The following ALDH3A2 variants were observed in gnomAD, a reference collection of about 807,000 sequenced individuals.
The protein encoded by ALDH3A2 is aldehyde dehydrogenase 3 family member A2.
Under a neutral mutation model 51.3 loss-of-function variants are expected in ALDH3A2, and 36 were observed. The observed-to-expected ratio is 0.70, with a 90% CI of 0.54 to 0.93. The LOEUF (loss-of-function observed/expected upper bound fraction) is 0.93, where lower values mean the gene tolerates loss of function less well. Among genes scored for constraint, ALDH3A2 ranks in the 40% least tolerant of loss-of-function variants. The probability of loss-of-function intolerance (pLI) is 0.00; values close to 1 mark genes in which losing one functional copy is unlikely to be tolerated. For synonymous variants in ALDH3A2, 199 were observed against 219.8 expected (o/e 0.91, Z 0.84); for missense variants, 552 against 603.1 (o/e 0.92, Z 0.89).
At chr17:19,650,087 T>C (rs2084794576) in intron 1 of ALDH3A2, among the ~76,000 whole-genome samples, 1 of 151,838 alleles carries the variant, frequency 6.6e-6, no homozygotes, top group Non-Finnish European at 1.5e-5. Context: ...CATTTTTGTA[T>C]TTTTAGTAGA....
At chr17:19,661,536 C>T in intron 6 of ALDH3A2, 1 of 417,868 alleles carries the variant, frequency 2.4e-6, no homozygotes, top group Non-Finnish European at 4.3e-6. Context: ...TCCTGAGAAG[C>T]AGAATAGAAC....
chr17:19,658,911 C>G (rs1841685457), intron 5 of ALDH3A2, among the ~76,000 whole-genome samples: 3 of 151,890 alleles, frequency 2.0e-5, no homozygotes, highest in Admixed American at 2.0e-4. Flanking sequence ...ATCAAAAACA[C>G]CAAAGAGTAA....
chr17:19,649,996 C>T (rs2084792589), intron 1 of ALDH3A2: 2 of 152,906 alleles, frequency 1.3e-5, no homozygotes, highest in African/African-American at 4.8e-5. Context: ...ACTGCAACCT[C>T]CATCTCTTGG....
At chr17:19,673,573 C>T (rs1476895510) in intron 9 of ALDH3A2, among the ~76,000 whole-genome samples, 1 of 151,784 alleles carries the variant, frequency 6.6e-6, no homozygotes, top group African/African-American at 2.4e-5. Flanking sequence ...CAAACGTTAG[C>T]TGGGTGTGGT....
Position 19,671,650 on chromosome 17 carries a change from G to T in ALDH3A2, c.1208-71G>T, listed in dbSNP as rs538380569. On this transcript the variant is annotated intron_variant, in intron 8 of 9. Coordinates refer to ENST00000176643, the MANE Select transcript of ALDH3A2 (RefSeq NM_000382.3). ...GCAGGGAGTGCATGTGAGCTTTCCC[G>T]GTCGTTGTTAGACAGAAGTAGCTTG... 6 of 1,356,452 alleles carry T rather than the reference G, an allele frequency of 4.4e-6. No individual in the cohort carries two copies. The Admixed American group carries it at 5.0e-5, about 11-fold the overall frequency. 84.0% of individuals were successfully genotyped at this position (1,356,452 alleles called of 1,614,324 possible).
chr17:19,654,991 A>G lies in ALDH3A2; in HGVS notation c.472-1375A>G, dbSNP rs1478266639. Among the ~76,000 whole-genome samples, 1 of 152,176 alleles carries G rather than the reference A, an allele frequency of 6.6e-6. No individual in the cohort carries two copies. The highest frequency in any genetic ancestry group is 2.4e-5 in the African/African-American group (1 of 41,462). ...GGGCAGATCCTCACACTGACTTAAC[A>G]TGCTGGCATTTAAGAATATCAAGAA... On this transcript the variant is annotated intron_variant, in intron 3 of 9. Coordinates refer to ENST00000176643, the MANE Select transcript of ALDH3A2 (RefSeq NM_000382.3). The surrounding 1 kb of genome is among the most constrained non-coding windows in gnomAD (Gnocchi z 4.5).
chr17:19,652,133 A>G (rs1567597370), intron 2 of ALDH3A2, among the ~76,000 whole-genome samples: 1 of 152,216 alleles, frequency 6.6e-6, no homozygotes, highest in Non-Finnish European at 1.5e-5. Context: ...TCTTCATTCA[A>G]ATAAAGACTA....
rs1237266541 is a variant in ALDH3A2 at position 19,649,052 on chromosome 17, G to A, written c.81G>A (p.Leu27=). ...SRPLRFRLQQ[L]EALRRMVQER... Reference sequence around the variant, plus strand: ...CTCTGCGGTTTCGGCTGCAGCAGCTGGAGGCCCTGCGGAGGATGGTGCAGG... The same window carrying A: ...CTCTGCGGTTTCGGCTGCAGCAGCTAGAGGCCCTGCGGAGGATGGTGCAGG... The change falls in exon 1 of 10, where the codon CTG becomes CTA. Residue 27 remains leucine, a synonymous_variant. Coordinates refer to ENST00000176643, the MANE Select transcript of ALDH3A2 (RefSeq NM_000382.3). The A allele has an allele frequency of 6.3e-7, 1 of 1,584,102 alleles. No individual in the cohort carries two copies. The highest frequency in any genetic ancestry group is 8.6e-7 in the Non-Finnish European group (1 of 1,165,730).
At chr17:19,674,148 A>G (rs2085157751) in intron 9 of ALDH3A2, 2 of 152,220 alleles carry the variant, frequency 1.3e-5, no homozygotes, top group African/African-American at 4.8e-5. Flanking sequence ...GGTGTAGTAT[A>G]CAATTTAGGG....
intron 8 of ALDH3A2, 96 bp from the exon 9 acceptor site, chr17:19,671,625 G>A: frequency 1.9e-6 from 2 of 1,035,912 alleles, no homozygotes; most frequent in East Asian, 2.4e-5. Flanking sequence ...TTCCCAGGCA[G>A]CAGGGAGTGC....
rs1291817576 is a variant in ALDH3A2, at chr17:19,649,033, G to A, written c.62G>A (p.Arg21Gln). 2 of 1,583,122 alleles carry A rather than the reference G, an allele frequency of 1.3e-6. No homozygotes were observed. Among genetic ancestry groups the A allele is most frequent in the South Asian group, 1.2e-5 (1 of 86,758 alleles). ...CTGTCCGGCCGGTCGCGACCTCTGC[G>A]GTTTCGGCTGCAGCAGCTGGAGGCC... ...AFLSGRSRPL[R>Q]FRLQQLEALR... Residue 21 changes from arginine (R) to glutamine (Q), a missense_variant, in exon 1 of 10, where the codon CGG becomes CAG. Physicochemically the swap from Arg to Gln is conservative, Grantham distance 43. Transcript: ENST00000176643.
chr17:19,665,352 AAATT>A (rs752857200), intron 8 of ALDH3A2, among the ~76,000 whole-genome samples: 112 of 150,890 alleles, frequency 7.4e-4, no homozygotes, highest in Non-Finnish European at 9.7e-4. Context: ...ATCAGGTCTC[AAATT>A]AATTAAGAAG....
intron 3 of ALDH3A2, among the ~76,000 whole-genome samples, chr17:19,655,935 T>C (rs992798740): frequency 1.3e-5 from 2 of 152,234 alleles, no homozygotes; most frequent in African/African-American, 4.8e-5. Context: ...GGATATACCA[T>C]TCATTCAGAA....
At chr17:19,672,335 A>G (rs1226861930) in intron 9 of ALDH3A2, 2 of 254,994 alleles carry the variant, frequency 7.8e-6, no homozygotes, top group Non-Finnish European at 1.5e-5. Flanking sequence ...TCCTTTTGGT[A>G]TTGGACTTTC....
At chr17:19,648,739 T>C (rs114897153), upstream of ALDH3A2, 2,822 of 599,782 alleles carry the variant, frequency 4.7e-3, 65 homozygotes, top group African/African-American at 0.044. Flanking sequence ...GGTGAGGCTT[T>C]GGGTCGAGCT....
intron 1 of ALDH3A2, among the ~76,000 whole-genome samples, chr17:19,650,394 G>GC (rs1222299221): frequency 6.6e-6 from 1 of 151,802 alleles, no homozygotes; most frequent in Non-Finnish European, 1.5e-5. Context: ...CAGTCCTCCT[G>GC]CCCCAACCTC....
intron 1 of ALDH3A2, 102 bp downstream of exon 1, chr17:19,649,226 A>G (rs1390836142): frequency 4.9e-6 from 7 of 1,430,908 alleles, no homozygotes; most frequent in Non-Finnish European, 6.6e-6. Flanking sequence ...ATTTCGGATT[A>G]CTCCAGCACT....
intron 1 of ALDH3A2, among the ~76,000 whole-genome samples, chr17:19,650,596 G>T (rs2084802480): frequency 1.3e-5 from 2 of 152,116 alleles, no homozygotes; most frequent in South Asian, 4.1e-4. Flanking sequence ...TGGGACTACA[G>T]GCGCCCGCCA....
Position 19,651,774 on chromosome 17 carries a change from T to G in ALDH3A2, c.381T>G (p.Ala127=), listed in dbSNP as rs147787942. 6.8e-6 allele frequency: 11 copies of G among 1,613,878 alleles called. No homozygotes were observed. The African/African-American group carries it at 1.5e-4, about 22-fold the overall frequency. ...LTIQPLIGAI[A]AGNAVIIKPS... is the part of the protein sequence containing the mutation. ...TTCAGCCACTGATAGGAGCCATCGC[T>G]GCAGGTCTGGTGCCACCTTATGTCT... is the stretch of plus-strand genomic sequence containing the variant. The change falls in exon 2 of 10, where the codon GCT becomes GCG. Residue 127 remains alanine (A), a synonymous_variant. Transcript: ENST00000176643.
Sources: gnomAD v4.1 joint callset for allele counts (sites outside exome capture counted in the v4.1 genomes callset) on GRCh38, gnomAD v4.1.1 for gene constraint, Gnocchi (gnomAD v3.1) non-coding constraint, MANE v1.5 for transcripts, NCBI Gene and HGNC (gene_info 2026-07-23, HGNC 2026-07-21) for gene names.